The following RRAGD variants were observed in gnomAD, a reference collection of about 807,000 sequenced individuals.
The protein encoded by RRAGD is Ras related GTP binding D.
In RRAGD, 12 loss-of-function variants were observed where a neutral mutation model predicts 35.5. The ratio of observed to expected loss-of-function variants is 0.34; its 90% confidence interval spans 0.22 to 0.55. The LOEUF (loss-of-function observed/expected upper bound fraction) is 0.55. RRAGD is among the 20% of genes least tolerant of loss of function. RRAGD has a pLI of 0.91. For synonymous variants in RRAGD, 155 were observed against 178.9 expected (o/e 0.87, Z 1.07); for missense variants, 324 against 490.1 (o/e 0.66, Z 3.20).
At chr6:89,400,695 G>C (rs1448540011) in intron 1 of RRAGD, among the ~76,000 whole-genome samples, 2 of 152,048 alleles carry the variant, frequency 1.3e-5, no homozygotes, top group Non-Finnish European at 2.9e-5. Context: ...GCCAGGAAGG[G>C]AGGCACTTCA....
rs1262675885 is a variant in RRAGD at position 89,411,726 on chromosome 6, T to C, written c.148+120A>G. 7.6e-6 allele frequency: 8 copies of C among 1,051,168 alleles called. No homozygotes were observed. The highest frequency in any genetic ancestry group is 3.2e-4 in the Middle Eastern group (1 of 3,086). The allele number at this position is 1,051,168 out of a possible 1,614,324, so 65.1% of individuals were successfully genotyped here. On this transcript the variant is annotated intron_variant, in intron 1 of 6. Transcript: ENST00000369415. The surrounding 1 kb of genome is among the most constrained non-coding windows in gnomAD (Gnocchi z 5.6). ...TCCCTCCCCACCCCAAACCCTCAACTGGACCCGCTCCCCTGGACCCCCTCC... is the reference window on the plus strand; with the variant it reads ...TCCCTCCCCACCCCAAACCCTCAACCGGACCCGCTCCCCTGGACCCCCTCC...
chr6:89,388,999 G>A (rs1769183711), intron 1 of RRAGD, among the ~76,000 whole-genome samples: 1 of 152,192 alleles, frequency 6.6e-6, no homozygotes, highest in African/African-American at 2.4e-5. Context: ...AGGCAGTAAT[G>A]CGAGCAATGG....
At chr6:89,406,299 C>G (rs1270819401) in intron 1 of RRAGD, among the ~76,000 whole-genome samples, 2 of 152,252 alleles carry the variant, frequency 1.3e-5, no homozygotes, top group East Asian at 3.9e-4. Context: ...GCTGCACCCC[C>G]ACAGGCCTAG....
At chr6:89,388,970 C>T (rs1769183279) in intron 1 of RRAGD, among the ~76,000 whole-genome samples, 1 of 152,178 alleles carries the variant, frequency 6.6e-6, no homozygotes, top group Non-Finnish European at 1.5e-5. Context: ...CACTGCTGAT[C>T]TGACAGGAGG....
In RRAGD at chr6:89,387,860, A is replaced by C. The variant is rs746265705; in HGVS notation, c.149-270T>G. Among the ~76,000 whole-genome samples, 64 of 152,122 alleles carry C rather than the reference A, an allele frequency of 4.2e-4. 1 individual carries two copies. The highest frequency in any genetic ancestry group is 1.2e-3 in the South Asian group (6 of 4,824). On this transcript the variant is annotated intron_variant, in intron 1 of 6. Transcript: ENST00000369415. ...ACAATAGAGTCTCGCCACTTCTTAC[A>C]CCATCCCGGAGGCCAGACACCAATA...
At chr6:89,374,124 T>C (rs2127885195) in intron 5 of RRAGD, among the ~76,000 whole-genome samples, 1 of 152,378 alleles carries the variant, frequency 6.6e-6, no homozygotes, top group East Asian at 1.9e-4. Flanking sequence ...TAAAGCTTAC[T>C]ATGTGATATT....
chr6:89,392,679 C>A (rs1053235522), intron 1 of RRAGD, among the ~76,000 whole-genome samples: 12 of 152,084 alleles, frequency 7.9e-5, no homozygotes, highest in African/African-American at 2.4e-4. Context: ...TTGTCTAAAA[C>A]ACTTGTTAAT....
intron 1 of RRAGD, among the ~76,000 whole-genome samples, chr6:89,401,570 G>A (rs1319949736): frequency 1.3e-5 from 2 of 151,482 alleles, no homozygotes; most frequent in Non-Finnish European, 2.9e-5. Context: ...ACAGCATTTA[G>A]AATAAAATCC....
intron 2 of RRAGD, among the ~76,000 whole-genome samples, chr6:89,383,841 G>A (rs906334059): frequency 9.2e-5 from 14 of 152,144 alleles, no homozygotes; most frequent in African/African-American, 3.4e-4. Context: ...TAAAGGAAAG[G>A]GGCCAGGCGT....
chr6:89,379,316 C>T lies in RRAGD; in HGVS notation c.667G>A (p.Asp223Asn). The change falls in exon 4 of 7, where the codon GAT (aspartate) becomes AAT (asparagine). Residue 223 changes from aspartate to asparagine, a missense_variant. Transcript: ENST00000369415. ...HLSFYLTSIY[D>N]HSIFEAFSKV... ...CTAAAAGCTTCAAATATTGAATGAT[C>T]ATATATGCTTGTCAGATAAAAGCTG... 1 of 1,586,238 alleles carries T rather than the reference C, an allele frequency of 6.3e-7. No individual in the cohort carries two copies. Among genetic ancestry groups the T allele is most frequent in the Non-Finnish European group, 8.6e-7 (1 of 1,158,022 alleles).
Position 89,375,384 on chromosome 6 carries a change from C to T in RRAGD, c.902+2287G>A, listed in dbSNP as rs137859949. 7.2e-4 allele frequency among the ~76,000 whole-genome samples: 109 copies of T among 152,308 alleles called. 1 individual carries two copies. The East Asian group carries it at 0.019, about 27-fold the overall frequency. On this transcript the variant is annotated intron_variant, in intron 5 of 6. Coordinates refer to ENST00000369415, the MANE Select transcript of RRAGD (RefSeq NM_021244.5). ...GTTTGCAACTGCAAAAACTGTTTTA[C>T]TACTCAAGTTTTTCATCTATAAGCA...
intron 6 of RRAGD, among the ~76,000 whole-genome samples, chr6:89,368,746 C>A (rs544380682): frequency 6.6e-6 from 1 of 152,286 alleles, no homozygotes; most frequent in African/African-American, 2.4e-5. Context: ...CCAACTCCAG[C>A]AGAAATTCAA....
intron 3 of RRAGD, 76 bp from the exon 4 acceptor site, chr6:89,379,414 C>T (rs1488033426): frequency 3.8e-5 from 26 of 684,974 alleles, no homozygotes; most frequent in South Asian, 2.4e-4. Context: ...GTCAAAACAC[C>T]GGTAATCTGC....
chr6:89,408,519 A>C (rs1236269464), intron 1 of RRAGD, among the ~76,000 whole-genome samples: 1 of 152,158 alleles, frequency 6.6e-6, no homozygotes, highest in Non-Finnish European at 1.5e-5. Flanking sequence ...TAATGAACTA[A>C]TGATTAATAC....
At chr6:89,398,266 G>A (rs536451219) in intron 1 of RRAGD, among the ~76,000 whole-genome samples, 3 of 152,232 alleles carry the variant, frequency 2.0e-5, no homozygotes, top group Non-Finnish European at 2.9e-5. Context: ...TGACTGTGCT[G>A]ATGGTTTCAC....
In RRAGD at chr6:89,411,947, G is replaced by T. The variant is rs866803649; in HGVS notation, c.47C>A (p.Ala16Glu). 6.5e-7 allele frequency: 1 copy of T among 1,538,866 alleles called. No homozygotes were observed. ...GKPQPQDEDDAEEEEEEDELV... is the reference protein window; with the variant it reads ...GKPQPQDEDDEEEEEEEDELV... ...CTCATCCTCCTCCTCCTCCTCCTCC[G>T]CGTCGTCCTCGTCCTGCGGCTGCGG... Residue 16 changes from alanine (A) to glutamate (E), a missense_variant, in exon 1 of 7, where the codon GCG becomes GAG. Physicochemically the swap from Ala to Glu is moderately radical, Grantham distance 107. Transcript: ENST00000369415. This position sits in a 1 kb window ranked among gnomAD's most constrained non-coding sequence, Gnocchi z 5.6.
At chr6:89,403,140 T>C (rs924534395) in intron 1 of RRAGD, among the ~76,000 whole-genome samples, 1 of 152,152 alleles carries the variant, frequency 6.6e-6, no homozygotes, top group Admixed American at 6.5e-5. Context: ...TTTACCACAA[T>C]GACATTTTTA....
intron 1 of RRAGD, among the ~76,000 whole-genome samples, chr6:89,393,442 A>T (rs922599383): frequency 6.6e-6 from 1 of 152,166 alleles, no homozygotes; most frequent in Non-Finnish European, 1.5e-5. Context: ...CACTCACCCA[A>T]ACTTACCCTA....
intron 6 of RRAGD, among the ~76,000 whole-genome samples, chr6:89,369,076 C>T (rs994585960): frequency 6.8e-6 from 1 of 147,210 alleles, no homozygotes; most frequent in Admixed American, 6.7e-5. Flanking sequence ...ATTAGGATTC[C>T]GGCCAAGGAT....
Sources: gnomAD v4.1 joint callset for allele counts (sites outside exome capture counted in the v4.1 genomes callset) on GRCh38, gnomAD v4.1.1 for gene constraint, Gnocchi (gnomAD v3.1) non-coding constraint, MANE v1.5 for transcripts, NCBI Gene and HGNC (gene_info 2026-07-23, HGNC 2026-07-21) for gene names.